The following CRACR2A variants were observed in gnomAD, a reference collection of about 807,000 sequenced individuals.
CRACR2A encodes calcium release activated channel regulator 2A.
A neutral mutation model predicts 90.5 loss-of-function variants in CRACR2A; 79 were observed. The ratio of observed to expected loss-of-function variants is 0.87; its 90% CI spans 0.73 to 1.05. CRACR2A has a LOEUF of 1.05. Ranked by LOEUF, CRACR2A falls within the 50% of genes least tolerant of loss-of-function variation. CRACR2A has a pLI of 0.00. For missense variants in CRACR2A, 823 were observed against 897.2 expected, an observed-to-expected ratio of 0.92 and a Z score of 1.06; for synonymous variants, 338 against 356.7, an observed-to-expected ratio of 0.95 and a Z score of 0.59.
At position 3,643,811 on chromosome 12, in the gene CRACR2A, A is replaced by G. The variant is rs1296838681; in HGVS notation, c.1164+784T>C. On this transcript the variant is annotated intron_variant, in intron 12 of 19. Transcript: ENST00000440314. ...TATATTTATATAATATATATTATAT[A>G]TATATTTATATTATATATAAATATA... Among the ~76,000 whole-genome samples the G allele has an allele frequency of 7.4e-5, 8 of 108,696 alleles. No homozygotes were observed. In the East Asian group the frequency reaches 2.1e-3, roughly 28 times the overall value. The allele number at this position is 108,696 out of a possible 152,430, so 71.3% of individuals were successfully genotyped here.
chr12:3,733,636 G>A (rs1041756748), intron 1 of CRACR2A, among the ~76,000 whole-genome samples: 3 of 152,100 alleles, frequency 2.0e-5, no homozygotes, highest in African/African-American at 4.8e-5. Flanking sequence ...GACTGAATCC[G>A]GGCCCTTGAT....
intron 9 of CRACR2A, 64 bp downstream of exon 9, chr12:3,656,247 C>T (rs1944904807): frequency 9.9e-6 from 15 of 1,512,788 alleles, no homozygotes; most frequent in Admixed American, 3.3e-5. Flanking sequence ...GGAAAGTGGG[C>T]AAGAGGCAGA....
intron 15 of CRACR2A, among the ~76,000 whole-genome samples, chr12:3,628,311 C>T (rs1406600755): frequency 6.6e-6 from 1 of 151,948 alleles, no homozygotes; most frequent in Admixed American, 6.6e-5. Context: ...GTATGGCCTC[C>T]ATCAACCAAT....
chr12:3,657,005 G>A lies in CRACR2A; in HGVS notation c.763-599C>T, dbSNP rs140731086. Among the ~76,000 whole-genome samples the A allele has an allele frequency of 7.2e-4, 110 of 152,320 alleles. 2 individuals carry two copies. Among genetic ancestry groups the A allele is most frequent in the African/African-American group, 2.3e-3 (94 of 41,572 alleles). ...TAATATCTGCTCCTTCCCTAGGCTGGGCTTCCCCCACAGAGAGGTGCTGAA... is the reference window on the plus strand; with the variant it reads ...TAATATCTGCTCCTTCCCTAGGCTGAGCTTCCCCCACAGAGAGGTGCTGAA... On this transcript the variant is annotated intron_variant, in intron 8 of 19. Coordinates refer to ENST00000440314, the MANE Select transcript of CRACR2A (RefSeq NM_001144958.2).
chr12:3,691,532 C>T (rs1418285822), intron 4 of CRACR2A, among the ~76,000 whole-genome samples: 1 of 151,932 alleles, frequency 6.6e-6, no homozygotes, highest in Admixed American at 6.6e-5. Flanking sequence ...GATGGGCTTC[C>T]CTTTGTAGGT....
intron 17 of CRACR2A, among the ~76,000 whole-genome samples, chr12:3,622,632 G>A (rs982285255): frequency 6.6e-6 from 1 of 151,132 alleles, no homozygotes; most frequent in African/African-American, 2.4e-5. Context: ...CTATGTGCAT[G>A]TGTGTGTGTG....
At chr12:3,740,363 G>T (rs892151858) in intron 1 of CRACR2A, among the ~76,000 whole-genome samples, 4 of 152,182 alleles carry the variant, frequency 2.6e-5, no homozygotes, top group African/African-American at 9.7e-5. Flanking sequence ...GATAAAGTCA[G>T]AGTGAATCTT....
At chr12:3,643,894 A>ATTATATATATTTATATT (rs1326094324) in intron 12 of CRACR2A, among the ~76,000 whole-genome samples, 1 of 88,028 alleles carries the variant, frequency 1.1e-5, no homozygotes, top group Non-Finnish European at 2.3e-5. Flanking sequence ...ATTAATATAT[A>ATTATATATATTTATATT]ATATATATTA....
At chr12:3,620,480 C>T (rs1028971956) in intron 17 of CRACR2A, among the ~76,000 whole-genome samples, 1 of 152,144 alleles carries the variant, frequency 6.6e-6, no homozygotes, top group Non-Finnish European at 1.5e-5. Context: ...AATTTAAATG[C>T]TATTATGTTT....
At chr12:3,742,942 T>G (rs1946550548) in intron 1 of CRACR2A, among the ~76,000 whole-genome samples, 1 of 152,226 alleles carries the variant, frequency 6.6e-6, no homozygotes, top group South Asian at 2.1e-4. Flanking sequence ...AGAAATACTG[T>G]GTCCCTTTTT....
At position 3,633,805 on chromosome 12, in the gene CRACR2A, G is replaced by A; in HGVS notation, c.1603-69C>T. 3 of 1,544,064 alleles carry A rather than the reference G, an allele frequency of 1.9e-6. No homozygotes were observed. Among genetic ancestry groups the A allele is most frequent in the South Asian group, 1.2e-5 (1 of 83,574 alleles). On this transcript the variant is annotated intron_variant, in intron 14 of 19. Coordinates refer to ENST00000440314, the MANE Select transcript of CRACR2A (RefSeq NM_001144958.2). This position sits in a 1 kb window ranked among gnomAD's most constrained non-coding sequence, Gnocchi z 4.5. ...GCCAGCCCCTGCCCCTGCCACCAGA[G>A]GCCCTTTACCCATCCCTACAGTGGC...
chr12:3,653,013 C>T (rs1944821473), intron 10 of CRACR2A, among the ~76,000 whole-genome samples: 1 of 151,992 alleles, frequency 6.6e-6, no homozygotes, highest in South Asian at 2.1e-4. Flanking sequence ...CGGGGAGTCT[C>T]ACTCTGTCAC....
intron 1 of CRACR2A, among the ~76,000 whole-genome samples, chr12:3,740,709 C>T (rs1946511520): frequency 6.6e-6 from 1 of 152,170 alleles, no homozygotes; most frequent in African/African-American, 2.4e-5. Flanking sequence ...GAGATCATCT[C>T]CGTGTACATA....
intron 2 of CRACR2A, among the ~76,000 whole-genome samples, chr12:3,719,409 T>C (rs917865597): frequency 1.3e-5 from 2 of 152,180 alleles, no homozygotes; most frequent in East Asian, 3.9e-4. Flanking sequence ...TTTCTAATGG[T>C]GTGCAGAGAT....
At chr12:3,659,760 G>A (rs927241469) in intron 7 of CRACR2A, 106 bp from the exon 8 acceptor site, 2 of 870,942 alleles carry the variant, frequency 2.3e-6, no homozygotes, top group Non-Finnish European at 3.8e-6. Flanking sequence ...GTGGGTGTGG[G>A]GGTGACAGCA....
chr12:3,733,872 G>GACACAC lies in CRACR2A; in HGVS notation c.-386-668_-386-663dup, dbSNP rs56412036. Among the ~76,000 whole-genome samples, 181 of 136,176 alleles carry GACACAC rather than the reference G, an allele frequency of 1.3e-3. 1 individual carries two copies. The highest frequency in any genetic ancestry group is 3.7e-3 in the African/African-American group (133 of 36,122). The allele number at this position is 136,176 out of a possible 152,430, so 89.3% of individuals were successfully genotyped here. ...AACCACAACATTCCCAAATTTTCAG[G>GACACAC]ACACACACACACACACACACACACA... is the stretch of plus-strand genomic sequence containing the variant. On this transcript the variant is annotated intron_variant, in intron 1 of 19. Transcript: ENST00000440314.
intron 2 of CRACR2A, among the ~76,000 whole-genome samples, chr12:3,717,456 A>G (rs1946098501): frequency 6.6e-6 from 1 of 152,160 alleles, no homozygotes; most frequent in African/African-American, 2.4e-5. Flanking sequence ...TGGCCACAAA[A>G]CATTCAAGTC....
intron 1 of CRACR2A, among the ~76,000 whole-genome samples, chr12:3,743,875 G>A (rs760870833): frequency 2.2e-4 from 33 of 152,164 alleles, no homozygotes; most frequent in Non-Finnish European, 4.4e-4. Flanking sequence ...CCATGGGGAG[G>A]GTAATGACGA....
intron 15 of CRACR2A, among the ~76,000 whole-genome samples, chr12:3,629,574 G>C (rs181586196): frequency 2.0e-5 from 3 of 152,242 alleles, no homozygotes; most frequent in African/African-American, 7.2e-5. Context: ...TGCTGGTAAG[G>C]CTTGCAGGTA....
Sources: allele counts gnomAD v4.1 joint callset (sites outside exome capture counted in the v4.1 genomes callset), GRCh38; gene constraint gnomAD v4.1.1; non-coding constraint Gnocchi (gnomAD v3.1); transcripts MANE v1.5; gene names NCBI Gene and HGNC (gene_info 2026-07-23, HGNC 2026-07-21).